SOCS5: variants seen among roughly 807,000 people sequenced by gnomAD.
The protein encoded by SOCS5 is CIS-6.
Under a neutral mutation model 42.8 loss-of-function variants are expected in SOCS5, and 32 were observed. The observed-to-expected ratio is 0.75, with a 90% CI of 0.56 to 1.01. The LOEUF is 1.01. Ranked by LOEUF, SOCS5 falls within the 50% of genes least tolerant of loss-of-function variation. SOCS5 has a pLI of 0.00. For missense variants in SOCS5, 627 were observed against 653.0 expected (o/e 0.96, Z 0.43); for synonymous variants, 283 against 229.6 (o/e 1.23, Z -2.10).
At chr2:46,738,570 T>A (rs756157620) in intron 1 of SOCS5, among the ~76,000 whole-genome samples, 1 of 152,212 alleles carries the variant, frequency 6.6e-6, no homozygotes, top group Non-Finnish European at 1.5e-5. Flanking sequence ...GACAGACTTT[T>A]AGGCTGTTAG....
At chr2:46,703,666 A>G (rs1050886533) in intron 1 of SOCS5, among the ~76,000 whole-genome samples, 1 of 152,206 alleles carries the variant, frequency 6.6e-6, no homozygotes, top group Non-Finnish European at 1.5e-5. Flanking sequence ...GCCATTGTGA[A>G]TGGACTGTTA....
intron 1 of SOCS5, among the ~76,000 whole-genome samples, chr2:46,743,552 C>T (rs1057141535): frequency 6.6e-6 from 1 of 152,106 alleles, no homozygotes; most frequent in Non-Finnish European, 1.5e-5. Flanking sequence ...GTCATGCAGC[C>T]TGTTTTCTCA....
intron 1 of SOCS5, among the ~76,000 whole-genome samples, chr2:46,752,403 T>G (rs1673643158): frequency 6.6e-6 from 1 of 152,176 alleles, no homozygotes; most frequent in South Asian, 2.1e-4. Context: ...GACTGCTGTT[T>G]TAGAAGTCTC....
intron 1 of SOCS5, among the ~76,000 whole-genome samples, chr2:46,730,578 C>T (rs779033885): frequency 1.5e-4 from 23 of 152,150 alleles, no homozygotes; most frequent in Non-Finnish European, 2.5e-4. Flanking sequence ...CCAGCCTGGG[C>T]GACAGAGTGA....
chr2:46,760,216 C>G lies in SOCS5; in HGVS notation c.*75C>G. ...AGACAGTACACCTATAGCAAGCACA[C>G]GTAGCAGTGTTAGGCTTTTTCATAC... On this transcript the variant is annotated 3_prime_UTR_variant, in exon 2 of 2. Coordinates refer to ENST00000394861, the MANE Select transcript of SOCS5 (RefSeq NM_144949.3). 9.2e-7 allele frequency: 1 copy of G among 1,086,220 alleles called. No homozygotes were observed. Among genetic ancestry groups the G allele is most frequent in the Admixed American group, 2.2e-5 (1 of 46,258 alleles). 67.3% of individuals were successfully genotyped at this position (1,086,220 alleles called of 1,614,324 possible).
intron 1 of SOCS5, among the ~76,000 whole-genome samples, chr2:46,747,375 C>T (rs748233331): frequency 3.9e-5 from 6 of 152,006 alleles, no homozygotes; most frequent in Non-Finnish European, 8.8e-5. Flanking sequence ...CGCACACCAC[C>T]ATACCTGGCT....
intron 1 of SOCS5, among the ~76,000 whole-genome samples, chr2:46,729,674 G>A (rs1449340587): frequency 5.9e-5 from 9 of 152,038 alleles, no homozygotes; most frequent in Non-Finnish European, 1.0e-4. Flanking sequence ...AGTTGCCGTG[G>A]GTGAGTGAGT....
intron 1 of SOCS5, among the ~76,000 whole-genome samples, chr2:46,712,953 A>G (rs1266386841): frequency 6.6e-6 from 1 of 152,112 alleles, no homozygotes; most frequent in African/African-American, 2.4e-5. Context: ...AAGAGTTTGG[A>G]TAAAATTGAT....
chr2:46,703,129 G>T lies in SOCS5; in HGVS notation c.-13+3680G>T, dbSNP rs968802623. Among the ~76,000 whole-genome samples the T allele has an allele frequency of 2.6e-5, 4 of 152,132 alleles. No individual in the cohort carries two copies. In the East Asian group the frequency reaches 5.8e-4, roughly 22 times the overall value. On this transcript the variant is annotated intron_variant, in intron 1 of 1. Coordinates refer to ENST00000394861, the MANE Select transcript of SOCS5 (RefSeq NM_144949.3). ...TCTTTTAATTGCCCTTATTTGTAGAGTTTCATTGAAGTGAGTATTTTACAG... is the reference window on the plus strand; with the variant it reads ...TCTTTTAATTGCCCTTATTTGTAGATTTTCATTGAAGTGAGTATTTTACAG...
At chr2:46,700,972 T>C (rs1160460861) in intron 1 of SOCS5, among the ~76,000 whole-genome samples, 2 of 152,242 alleles carry the variant, frequency 1.3e-5, no homozygotes, top group East Asian at 3.8e-4. Flanking sequence ...GGCCCTTTTA[T>C]CCATCAGAGA....
At chr2:46,709,528 A>G (rs1243618713) in intron 1 of SOCS5, among the ~76,000 whole-genome samples, 4 of 152,336 alleles carry the variant, frequency 2.6e-5, no homozygotes, top group South Asian at 4.1e-4. Context: ...AAGGCTGTGC[A>G]GAGAAAAGTA....
chr2:46,730,214 A>G (rs1458780709), intron 1 of SOCS5, among the ~76,000 whole-genome samples: 1 of 152,186 alleles, frequency 6.6e-6, no homozygotes, highest in Admixed American at 6.5e-5. Context: ...TCTGGTAACT[A>G]CTATGCCATG....
intron 1 of SOCS5, among the ~76,000 whole-genome samples, chr2:46,729,990 T>A (rs1046493445): frequency 6.6e-6 from 1 of 152,222 alleles, no homozygotes; most frequent in Non-Finnish European, 1.5e-5. Flanking sequence ...TGTTAAAGAC[T>A]AAGATACAAA....
In SOCS5 at chr2:46,734,742, G is replaced by A. The variant is rs1419531353; in HGVS notation, c.-12-23777G>A. On this transcript the variant is annotated intron_variant, in intron 1 of 1. Transcript: ENST00000394861. The stretch of plus-strand genomic sequence containing the variant: ...ACTGCTTTGATTGTCTTCCAGCTGA[G>A]CCATTTGGTTCTTCTAGCATATGCA... Among the ~76,000 whole-genome samples, 7 of 152,086 alleles carry A rather than the reference G, an allele frequency of 4.6e-5. No homozygotes were observed. In the East Asian group the frequency reaches 1.4e-3, roughly 29 times the overall value.
chr2:46,733,703 T>C (rs985872856), intron 1 of SOCS5, among the ~76,000 whole-genome samples: 1 of 152,038 alleles, frequency 6.6e-6, no homozygotes, highest in African/African-American at 2.4e-5. Context: ...TACGAATGAT[T>C]TGAATAACAT....
At chr2:46,732,848 CTT>C (rs920862140) in intron 1 of SOCS5, among the ~76,000 whole-genome samples, 2 of 152,102 alleles carry the variant, frequency 1.3e-5, no homozygotes, top group African/African-American at 4.8e-5. Context: ...AATTTCATCT[CTT>C]GATATTAAGG....
At chr2:46,712,903 T>G (rs1028173218) in intron 1 of SOCS5, among the ~76,000 whole-genome samples, 2 of 152,174 alleles carry the variant, frequency 1.3e-5, no homozygotes, top group African/African-American at 4.8e-5. Context: ...TTATGCTGAC[T>G]TTTTTTATGA....
Position 46,759,794 on chromosome 2 carries a change from T to C in SOCS5, c.1264T>C (p.Tyr422His). 1 of 1,614,160 alleles carries C rather than the reference T, an allele frequency of 6.2e-7. No individual in the cohort carries two copies. Among genetic ancestry groups the C allele is most frequent in the Non-Finnish European group, 8.5e-7 (1 of 1,180,026 alleles). ...CCTCTTCTCTGTGAGCTTCCGCCGCTACAACAGATCCCTGCATGCCCGAAT... is the reference window on the plus strand; with the variant it reads ...CCTCTTCTCTGTGAGCTTCCGCCGCCACAACAGATCCCTGCATGCCCGAAT... ...DYLFSVSFRR[Y>H]NRSLHARIEQ... Residue 422 changes from tyrosine to histidine, a missense_variant, in exon 2 of 2, where the codon TAC (tyrosine) becomes CAC (histidine). Physicochemically the swap from Tyr to His is moderately conservative, Grantham distance 83. Around this residue, in one of 3 missense-constraint regions of SOCS5, gnomAD observed 340 missense variants for 367.6 expected, o/e 0.92. Coordinates refer to ENST00000394861, the MANE Select transcript of SOCS5 (RefSeq NM_144949.3).
intron 1 of SOCS5, among the ~76,000 whole-genome samples, chr2:46,748,672 A>T (rs552585404): frequency 6.6e-6 from 1 of 152,288 alleles, no homozygotes; most frequent in African/African-American, 2.4e-5. Context: ...TTTGTTAAAG[A>T]TTAGTAAATG....
Sources: allele counts gnomAD v4.1 joint callset (sites outside exome capture counted in the v4.1 genomes callset), GRCh38; gene constraint gnomAD v4.1.1; regional missense constraint gnomAD v4.1.1; transcripts MANE v1.5; gene names NCBI Gene and HGNC (gene_info 2026-07-23, HGNC 2026-07-21).